DOCK4: variants seen among roughly 807,000 people sequenced by gnomAD.
DOCK4 encodes the protein dedicator of cytokinesis 4, also known as dedicator of cytokinesis protein 4.
A neutral mutation model predicts 268.1 loss-of-function variants in DOCK4; 97 were observed. The ratio of observed to expected loss-of-function variants is 0.36; its 90% CI spans 0.31 to 0.43. The LOEUF (loss-of-function observed/expected upper bound fraction) is 0.43, where lower values mean the gene tolerates loss of function less well. DOCK4 is among the 20% of genes least tolerant of loss of function. The probability of loss-of-function intolerance (pLI) is 1.00; values close to 1 mark genes in which losing one functional copy is unlikely to be tolerated. For missense variants in DOCK4, 2,145 were observed against 2,455.7 expected, an observed-to-expected ratio of 0.87 and a Z score of 2.67; for synonymous variants, 954 against 887.2, an observed-to-expected ratio of 1.08 and a Z score of -1.34.
chr7:111,913,689 A>G (rs112947227), intron 13 of DOCK4, among the ~76,000 whole-genome samples: 31,393 of 149,468 alleles, frequency 0.21, 3,306 homozygotes, highest in African/African-American at 0.23. Flanking sequence ...GATTACAGGC[A>G]TGAGCCACCG....
At chr7:111,739,836 C>G (rs1795779951) in intron 47 of DOCK4, 4 of 340,532 alleles carry the variant, frequency 1.2e-5, no homozygotes, top group Non-Finnish European at 2.3e-5. Context: ...GTTATCTGTA[C>G]AAGTATGTTC....
intron 1 of DOCK4, among the ~76,000 whole-genome samples, chr7:112,086,695 T>C (rs985929548): frequency 7.9e-5 from 12 of 152,104 alleles, no homozygotes; most frequent in African/African-American, 2.7e-4. Flanking sequence ...AAAATGTCAA[T>C]AAAACCCAAC....
At chr7:111,892,856 T>C (rs1181144189) in intron 16 of DOCK4, among the ~76,000 whole-genome samples, 2 of 152,256 alleles carry the variant, frequency 1.3e-5, no homozygotes, top group African/African-American at 2.4e-5. Flanking sequence ...AAAGTTGTTA[T>C]ACTTGGCAAG....
At chr7:111,773,475 T>C (rs1396576475) in intron 36 of DOCK4, among the ~76,000 whole-genome samples, 1 of 152,122 alleles carries the variant, frequency 6.6e-6, no homozygotes, top group East Asian at 1.9e-4. Context: ...CCAAAATATA[T>C]CTGTTATATA....
intron 1 of DOCK4, among the ~76,000 whole-genome samples, chr7:112,139,306 C>G (rs1814668130): frequency 2.0e-5 from 3 of 152,166 alleles, no homozygotes; most frequent in African/African-American, 7.2e-5. Context: ...CCAAAAAGGG[C>G]TGAGTCTTTC....
chr7:111,839,006 T>C (rs1429937528), intron 25 of DOCK4, among the ~76,000 whole-genome samples: 1 of 152,182 alleles, frequency 6.6e-6, no homozygotes, highest in African/African-American at 2.4e-5. Flanking sequence ...ACACAATCAA[T>C]TTCACTTTAA....
At chr7:112,186,358 A>G (rs1819496389) in intron 1 of DOCK4, among the ~76,000 whole-genome samples, 2 of 152,366 alleles carry the variant, frequency 1.3e-5, no homozygotes, top group South Asian at 2.1e-4. Context: ...CTAAGAAACC[A>G]GGCTTCAGAA....
chr7:111,798,039 A>G (rs1203853949), intron 30 of DOCK4, among the ~76,000 whole-genome samples: 1 of 152,228 alleles, frequency 6.6e-6, no homozygotes, highest in Admixed American at 6.5e-5. Context: ...GGAGAAGGAC[A>G]AAGGCTCTAG....
intron 1 of DOCK4, among the ~76,000 whole-genome samples, chr7:112,131,398 C>T (rs935548119): frequency 2.0e-5 from 3 of 152,078 alleles, no homozygotes; most frequent in Non-Finnish European, 4.4e-5. Flanking sequence ...ATCCTTCACC[C>T]GTATGTGAAA....
At chr7:111,828,650 G>A (rs1001324479) in intron 26 of DOCK4, among the ~76,000 whole-genome samples, 7 of 152,010 alleles carry the variant, frequency 4.6e-5, no homozygotes, top group African/African-American at 1.7e-4. Flanking sequence ...TACACGTCTA[G>A]GAATTTATTC....
At position 112,166,533 on chromosome 7, in the gene DOCK4, G is replaced by C. The variant is rs1329466367; in HGVS notation, c.37+39569C>G. ...CTTTGCCCATATCATGTCACAGGAG[G>C]TACCTTCAGAGCCTACAGTGAATCT... is the stretch of plus-strand genomic sequence containing the variant. On this transcript the variant is annotated intron_variant, in intron 1 of 52. Transcript: ENST00000428084. Among the ~76,000 whole-genome samples, 3 of 152,148 alleles carry C rather than the reference G, an allele frequency of 2.0e-5. No homozygotes were observed. In the East Asian group the frequency reaches 5.8e-4, roughly 29 times the overall value.
At chr7:111,812,150 T>A (rs984666166) in intron 27 of DOCK4, among the ~76,000 whole-genome samples, 1 of 152,240 alleles carries the variant, frequency 6.6e-6, no homozygotes, top group African/African-American at 2.4e-5. Context: ...TCAGGACCTT[T>A]GTAAACTGAT....
At chr7:111,942,826 A>G (rs556782775) in intron 10 of DOCK4, among the ~76,000 whole-genome samples, 1 of 152,328 alleles carries the variant, frequency 6.6e-6, no homozygotes, top group African/African-American at 2.4e-5. Flanking sequence ...CTGCGTCAGG[A>G]ATAAGAACTC....
chr7:111,733,413 T>G (rs1795245946), intron 51 of DOCK4, among the ~76,000 whole-genome samples: 1 of 152,228 alleles, frequency 6.6e-6, no homozygotes, highest in South Asian at 2.1e-4. Flanking sequence ...CTTGCACTCT[T>G]GAATGCTGGG....
At chr7:111,782,832 GA>G in intron 35 of DOCK4, 31 bp downstream of exon 35, 1 of 1,606,808 alleles carries the variant, frequency 6.2e-7, no homozygotes, top group Non-Finnish European at 8.5e-7. Context: ...AGTATTAGGA[GA>G]AAAGGAGAAA....
At chr7:111,815,017 C>G (rs1159704806) in intron 27 of DOCK4, among the ~76,000 whole-genome samples, 1 of 152,180 alleles carries the variant, frequency 6.6e-6, no homozygotes, top group Non-Finnish European at 1.5e-5. Context: ...TAAACTTTTA[C>G]AGTTCCTATA....
chr7:112,175,076 G>A (rs1199921702), intron 1 of DOCK4, among the ~76,000 whole-genome samples: 1 of 151,804 alleles, frequency 6.6e-6, no homozygotes, highest in Non-Finnish European at 1.5e-5. Context: ...TGTTAGCCAG[G>A]ATGGTCTTGA....
chr7:112,182,170 C>T (rs1819109243), intron 1 of DOCK4, among the ~76,000 whole-genome samples: 1 of 152,120 alleles, frequency 6.6e-6, no homozygotes, highest in Non-Finnish European at 1.5e-5. Context: ...CACTGCCTAC[C>T]CCATAGAGTT....
At chr7:111,829,100 A>G (rs938475501) in intron 26 of DOCK4, among the ~76,000 whole-genome samples, 1 of 151,904 alleles carries the variant, frequency 6.6e-6, no homozygotes, top group Non-Finnish European at 1.5e-5. Flanking sequence ...ATTAAATATC[A>G]CCCTATTAAT....
Sources: allele counts gnomAD v4.1 joint callset (sites outside exome capture counted in the v4.1 genomes callset), GRCh38; gene constraint gnomAD v4.1.1; transcripts MANE v1.5; gene names NCBI Gene and HGNC (gene_info 2026-07-23, HGNC 2026-07-21).